ACTG2: variants seen among roughly 807,000 people sequenced by gnomAD.
ACTG2 encodes the protein actin gamma 2, smooth muscle.
Under a neutral mutation model 37.6 loss-of-function variants are expected in ACTG2, and 16 were observed. That is an observed-to-expected ratio of 0.43 (90% CI 0.29 to 0.65). The LOEUF is 0.65. Among genes scored for constraint, ACTG2 ranks in the 30% least tolerant of loss-of-function variants. ACTG2 has a pLI of 0.18. For synonymous variants in ACTG2, 181 were observed against 179.9 expected (o/e 1.01, Z -0.05); for missense variants, 238 against 490.9 (o/e 0.48, Z 4.87).
intron 1 of ACTG2, among the ~76,000 whole-genome samples, chr2:73,900,643 A>G (rs1283455539): frequency 2.0e-5 from 3 of 152,178 alleles, no homozygotes; most frequent in Non-Finnish European, 2.9e-5. Flanking sequence ...CATTTCACCT[A>G]TAACCACTGC....
chr2:73,902,330 C>T (rs1474546030), intron 2 of ACTG2, 30 bp from the exon 3 acceptor site: 7 of 1,611,254 alleles, frequency 4.3e-6, no homozygotes, highest in Non-Finnish European at 5.1e-6. Context: ...CTCAGCCATT[C>T]ATTTCTCTTT....
At chr2:73,904,771 GTGTGTGTATATATA>G (rs1209751434) in intron 3 of ACTG2, among the ~76,000 whole-genome samples, 3 of 20,068 alleles carry the variant, frequency 1.5e-4, no homozygotes, top group South Asian at 1.5e-3. Context: ...GTGTGTGTGT[GTGTGTGTATATATA>G]TATATATATA....
chr2:73,916,370 C>A (rs1248633093), intron 7 of ACTG2, among the ~76,000 whole-genome samples: 3 of 98,182 alleles, frequency 3.1e-5, no homozygotes, highest in African/African-American at 6.3e-5. Context: ...CAGACTCCAT[C>A]TCAGAAAAAA....
chr2:73,901,291 G>T lies in ACTG2; in HGVS notation c.-21G>T, dbSNP rs778208494. 4 of 1,554,890 alleles carry T rather than the reference G, an allele frequency of 2.6e-6. No homozygotes were observed. The highest frequency in any genetic ancestry group is 1.8e-5 in the Admixed American group (1 of 54,114). On this transcript the variant is annotated 5_prime_UTR_variant, in exon 2 of 9. Transcript: ENST00000345517. ...AAATCCCAAGGTGCTCCAGTCCCCA[G>T]CTCACTCAGCCACACACACCATGTG...
At chr2:73,900,253 C>T (rs1679847665) in intron 1 of ACTG2, among the ~76,000 whole-genome samples, 1 of 152,212 alleles carries the variant, frequency 6.6e-6, no homozygotes, top group Non-Finnish European at 1.5e-5. Flanking sequence ...CCACTTCTGC[C>T]CCGCCCCACT....
chr2:73,904,781 A>G (rs13390114), intron 3 of ACTG2, among the ~76,000 whole-genome samples: 789 of 16,216 alleles, frequency 0.049, 7 homozygotes, highest in African/African-American at 0.13. Flanking sequence ...GTGTGTGTAT[A>G]TATATATATA....
At chr2:73,895,097 G>A (rs1405313920) in intron 1 of ACTG2, among the ~76,000 whole-genome samples, 1 of 152,148 alleles carries the variant, frequency 6.6e-6, no homozygotes, top group Admixed American at 6.5e-5. Context: ...CATTGGGCAT[G>A]GGCTCAGGGT....
chr2:73,901,222 T>C (rs1298553428), intron 1 of ACTG2, 54 bp from the exon 2 acceptor site: 50 of 1,393,118 alleles, frequency 3.6e-5, no homozygotes, highest in Non-Finnish European at 4.7e-5. Flanking sequence ...AGAAACTGTC[T>C]CCAAACTGAT....
chr2:73,901,522 G>T (rs1679873409), intron 2 of ACTG2, 85 bp downstream of exon 2: 1 of 1,371,516 alleles, frequency 7.3e-7, no homozygotes, highest in Non-Finnish European at 9.6e-7. Flanking sequence ...CTGGGGGTTA[G>T]GGGAAGGAAA....
Position 73,904,787 on chromosome 2 carries a change from A to G in ACTG2, c.255+2299A>G, listed in dbSNP as rs1465456634. On this transcript the variant is annotated intron_variant, in intron 3 of 8. Coordinates refer to ENST00000345517, the MANE Select transcript of ACTG2 (RefSeq NM_001615.4). ...TGTGTGTGTGTGTGTGTATATATAT[A>G]TATATATATATATATATATATATAT... Among the ~76,000 whole-genome samples, 113 of 33,792 alleles carry G rather than the reference A, an allele frequency of 3.3e-3. 1 individual carries two copies. The highest frequency in any genetic ancestry group is 0.03 in the South Asian group (37 of 1,248). The allele number at this position is 33,792 out of a possible 152,430, so 22.2% of individuals were successfully genotyped here. A position where few individuals can be genotyped will look rare whatever the true frequency, so the allele number is the denominator to read the frequency against.
intron 3 of ACTG2, among the ~76,000 whole-genome samples, chr2:73,904,777 G>GTGTGTATATA (rs1427483105): frequency 1.1e-3 from 48 of 42,614 alleles, no homozygotes; most frequent in Non-Finnish European, 1.7e-3. Flanking sequence ...GTGTGTGTGT[G>GTGTGTATATA]TATATATATA....
intron 3 of ACTG2, among the ~76,000 whole-genome samples, chr2:73,903,945 A>G (rs1679947681): frequency 1.1e-5 from 1 of 94,598 alleles, no homozygotes; most frequent in East Asian, 2.6e-4. Context: ...GTCTCAAAAA[A>G]AAAAAAAAAA....
intron 3 of ACTG2, among the ~76,000 whole-genome samples, chr2:73,905,739 T>A (rs886471908): frequency 6.6e-6 from 1 of 152,190 alleles, no homozygotes; most frequent in Non-Finnish European, 1.5e-5. Flanking sequence ...ATTGCTATGT[T>A]CTTTAGCCCA....
rs908663671 is a variant in ACTG2 at position 73,901,235 on chromosome 2, G to C, written c.-36-41G>C. ...CAAGAAACTGTCTCCAAACTGATTTGACAAGTGGCTGACTAGTTCTCTTCT... is the reference window on the plus strand; with the variant it reads ...CAAGAAACTGTCTCCAAACTGATTTCACAAGTGGCTGACTAGTTCTCTTCT... On this transcript the variant is annotated intron_variant, in intron 1 of 8. Transcript: ENST00000345517. 3 of 1,434,302 alleles carry C rather than the reference G, an allele frequency of 2.1e-6. No homozygotes were observed. In the African/African-American group the frequency reaches 4.3e-5, roughly 21 times the overall value. The allele number at this position is 1,434,302 out of a possible 1,614,324, so 88.8% of individuals were successfully genotyped here.
chr2:73,906,103 A>T lies in ACTG2; in HGVS notation c.256-2570A>T, dbSNP rs186845477. Among the ~76,000 whole-genome samples the T allele has an allele frequency of 8.5e-5, 13 of 152,164 alleles. No individual in the cohort carries two copies. The East Asian group carries it at 1.5e-3, about 18-fold the overall frequency. On this transcript the variant is annotated intron_variant, in intron 3 of 8. Coordinates refer to ENST00000345517, the MANE Select transcript of ACTG2 (RefSeq NM_001615.4). ...AAGGTTAGGAAAAAGAAAAAAGCCA[A>T]AATGTTAACTGTTTGTTGTTAGGTG...
intron 6 of ACTG2, 69 bp from the exon 7 acceptor site, chr2:73,914,611 G>T (rs984321095): frequency 1.1e-4 from 143 of 1,258,188 alleles, no homozygotes; most frequent in Non-Finnish European, 1.4e-4. Context: ...GGTTTTCATG[G>T]AGATCAAAAT....
chr2:73,898,641 C>T (rs1303331287), intron 1 of ACTG2, among the ~76,000 whole-genome samples: 1 of 152,030 alleles, frequency 6.6e-6, no homozygotes, highest in Non-Finnish European at 1.5e-5. Context: ...TTCTCCATAC[C>T]TTTGCCAGCA....
intron 5 of ACTG2, among the ~76,000 whole-genome samples, chr2:73,910,365 C>CT (rs1190070765): frequency 0.01 from 809 of 80,676 alleles, 156 homozygotes; most frequent in African/African-American, 0.034. Context: ...CTTTTTTCGA[C>CT]TTTTTTTTTT....
intron 3 of ACTG2, 58 bp from the exon 4 acceptor site, chr2:73,908,615 T>G: frequency 5.7e-6 from 8 of 1,404,044 alleles, no homozygotes; most frequent in South Asian, 1.3e-5. Context: ...GGAATGTCAA[T>G]GAGAATTTTC....
Sources: gnomAD v4.1 joint callset for allele counts (sites outside exome capture counted in the v4.1 genomes callset) on GRCh38, gnomAD v4.1.1 for gene constraint, MANE v1.5 for transcripts, NCBI Gene and HGNC (gene_info 2026-07-23, HGNC 2026-07-21) for gene names.